The following SETBP1 variants were observed in gnomAD, a reference collection of about 807,000 sequenced individuals.
SETBP1 encodes SET binding protein 1, also known as SET-binding protein.
Under a neutral mutation model 101.0 loss-of-function variants are expected in SETBP1, and 9 were observed. The ratio of observed to expected loss-of-function variants is 0.09; its 90% CI spans 0.05 to 0.16. The LOEUF (loss-of-function observed/expected upper bound fraction) is 0.16, where lower values mean the gene tolerates loss of function less well. Among genes scored for constraint, SETBP1 ranks in the 10% least tolerant of loss-of-function variants. The probability of loss-of-function intolerance (pLI) is 1.00; values close to 1 mark genes in which losing one functional copy is unlikely to be tolerated. For missense variants in SETBP1, 1,858 were observed against 2,033.8 expected (o/e 0.91, Z 1.66); for synonymous variants, 818 against 788.5 (o/e 1.04, Z -0.63).
chr18:44,827,192 G>T lies in SETBP1; in HGVS notation c.487-42038G>T, dbSNP rs1190472919. ...AAAAAATGCTCTCCTAGATTCTATGGTAGGAAATCAGGGAGCTTCTAATTA... is the reference window on the plus strand; with the variant it reads ...AAAAAATGCTCTCCTAGATTCTATGTTAGGAAATCAGGGAGCTTCTAATTA... On this transcript the variant is annotated intron_variant, in intron 2 of 5. Transcript: ENST00000649279. Among the ~76,000 whole-genome samples, 3 of 152,146 alleles carry T rather than the reference G, an allele frequency of 2.0e-5. No individual in the cohort carries two copies. The East Asian group carries it at 5.8e-4, about 29-fold the overall frequency.
At chr18:44,986,338 G>T (rs1749265875) in intron 4 of SETBP1, 1 of 152,164 alleles carries the variant, frequency 6.6e-6, no homozygotes, top group African/African-American at 2.4e-5. Flanking sequence ...TTATAGGACT[G>T]GAAGTTGCTC....
intron 4 of SETBP1, among the ~76,000 whole-genome samples, chr18:45,029,316 A>G (rs1279257298): frequency 2.6e-5 from 4 of 151,862 alleles, no homozygotes; most frequent in Non-Finnish European, 4.4e-5. Context: ...AAGATCAGAT[A>G]GTTGTAGATA....
intron 2 of SETBP1, among the ~76,000 whole-genome samples, chr18:44,734,678 T>G (rs1735640406): frequency 6.6e-6 from 1 of 152,158 alleles, no homozygotes; most frequent in South Asian, 2.1e-4. Flanking sequence ...TCCTTCCTGG[T>G]GTCCTCAGCT....
chr18:45,009,020 A>G (rs1038916269), intron 4 of SETBP1, among the ~76,000 whole-genome samples: 2 of 152,108 alleles, frequency 1.3e-5, no homozygotes, highest in African/African-American at 4.8e-5. Flanking sequence ...CTGGGGAGGC[A>G]ATTGCCACCG....
At chr18:44,914,464 G>A (rs16978227) in intron 3 of SETBP1, among the ~76,000 whole-genome samples, 15,768 of 152,250 alleles carry the variant, frequency 0.1, 996 homozygotes, top group East Asian at 0.18. Context: ...TGTTTTCACT[G>A]GTCAGGATCA....
Position 44,952,490 on chromosome 18 carries a change from C to T in SETBP1, c.3150C>T (p.Pro1050=), listed in dbSNP as rs1267530484. Residue 1050 remains proline (P), a synonymous_variant, in exon 4 of 6, where the codon CCC becomes CCT. Transcript: ENST00000649279. Reference sequence around the variant, plus strand: ...TTCCCAGTGGAAGTTACTATGCACCCTATGGAATGCCTTACACATCAATGC... The same window carrying T: ...TTCCCAGTGGAAGTTACTATGCACCTTATGGAATGCCTTACACATCAATGC... The part of the protein sequence containing the change: ...YPIPSGSYYA[P]YGMPYTSMPM... The T allele has an allele frequency of 1.9e-6, 3 of 1,613,954 alleles. No homozygotes were observed. Among genetic ancestry groups the T allele is most frequent in the Admixed American group, 3.3e-5 (2 of 59,992 alleles).
At chr18:44,709,459 A>G (rs1036934435) in intron 2 of SETBP1, among the ~76,000 whole-genome samples, 14 of 152,320 alleles carry the variant, frequency 9.2e-5, no homozygotes, top group African/African-American at 3.4e-4. Flanking sequence ...CAGCCTGCAT[A>G]ATCTTAGGCA....
At chr18:44,736,317 T>C (rs572163519) in intron 2 of SETBP1, among the ~76,000 whole-genome samples, 50 of 152,310 alleles carry the variant, frequency 3.3e-4, no homozygotes, top group Non-Finnish European at 2.9e-5. Flanking sequence ...AGGTCGAGGC[T>C]GCAGCAAGTC....
intron 3 of SETBP1, among the ~76,000 whole-genome samples, chr18:44,907,351 G>T (rs1042588634): frequency 6.6e-6 from 1 of 152,228 alleles, no homozygotes; most frequent in African/African-American, 2.4e-5. Context: ...TATGTTTTCA[G>T]TTCTCTTGGG....
intron 2 of SETBP1, among the ~76,000 whole-genome samples, chr18:44,862,321 G>T (rs2069031916): frequency 6.6e-6 from 1 of 152,190 alleles, no homozygotes; most frequent in African/African-American, 2.4e-5. Flanking sequence ...AGTCATCCTT[G>T]TTGCTCTTTA....
chr18:44,977,404 A>T (rs2072014526), intron 4 of SETBP1, among the ~76,000 whole-genome samples: 1 of 152,256 alleles, frequency 6.6e-6, no homozygotes, highest in Non-Finnish European at 1.5e-5. Context: ...CACCCGCCAG[A>T]AAAGCTGGAT....
At chr18:44,819,557 C>T (rs1363279669) in intron 2 of SETBP1, among the ~76,000 whole-genome samples, 14 of 152,162 alleles carry the variant, frequency 9.2e-5, no homozygotes, top group Non-Finnish European at 1.8e-4. Flanking sequence ...CCCTGTATTA[C>T]AGCAGAGGAC....
chr18:44,698,471 A>G (rs1473914090), intron 1 of SETBP1, among the ~76,000 whole-genome samples: 1 of 152,126 alleles, frequency 6.6e-6, no homozygotes, highest in Non-Finnish European at 1.5e-5. Context: ...AGTTTCTACC[A>G]TACTTCCTAG....
chr18:44,933,598 C>T (rs1350415093), intron 3 of SETBP1, among the ~76,000 whole-genome samples: 1 of 152,200 alleles, frequency 6.6e-6, no homozygotes, highest in Non-Finnish European at 1.5e-5. Context: ...GTGGGCTCCA[C>T]CCAGTTCGAG....
intron 4 of SETBP1, among the ~76,000 whole-genome samples, chr18:45,035,035 A>C (rs746544072): frequency 7.3e-5 from 11 of 150,652 alleles, no homozygotes; most frequent in Admixed American, 1.3e-4. Context: ...TCATCATAGA[A>C]TATCAGTCAC....
chr18:44,988,163 T>C (rs1218729702), intron 4 of SETBP1: 1 of 152,212 alleles, frequency 6.6e-6, no homozygotes, highest in Non-Finnish European at 1.5e-5. Flanking sequence ...TGTTTAAAAC[T>C]TTCGACCTAG....
intron 5 of SETBP1, among the ~76,000 whole-genome samples, chr18:45,059,791 G>A (rs533013772): frequency 2.0e-4 from 30 of 152,258 alleles, no homozygotes; most frequent in Non-Finnish European, 3.1e-4. Context: ...GAACATTTTC[G>A]CCATCTTAGA....
chr18:44,834,532 G>T (rs2072452390), intron 2 of SETBP1, among the ~76,000 whole-genome samples: 1 of 152,186 alleles, frequency 6.6e-6, no homozygotes, highest in Admixed American at 6.5e-5. Context: ...TCCCAGAGAT[G>T]ATTTGTGGCC....
intron 5 of SETBP1, among the ~76,000 whole-genome samples, chr18:45,054,611 A>G (rs1179325797): frequency 1.3e-5 from 2 of 152,222 alleles, no homozygotes; most frequent in African/African-American, 4.8e-5. Context: ...ACAGGGAGCT[A>G]TAATCTCATC....
Sources: allele counts gnomAD v4.1 joint callset (sites outside exome capture counted in the v4.1 genomes callset), GRCh38; gene constraint gnomAD v4.1.1; transcripts MANE v1.5; gene names NCBI Gene and HGNC (gene_info 2026-07-23, HGNC 2026-07-21).